The following MAP3K5 variants were observed in gnomAD, a reference collection of about 807,000 sequenced individuals.
MAP3K5 encodes mitogen-activated protein kinase kinase kinase 5, also known as ASK-1.
In MAP3K5, 56 loss-of-function variants were observed where a neutral mutation model predicts 158.7. That is an observed-to-expected ratio of 0.35 (90% confidence interval 0.28 to 0.44). MAP3K5 has a LOEUF of 0.44. Among genes scored for constraint, MAP3K5 ranks in the 20% least tolerant of loss-of-function variants. The probability of loss-of-function intolerance (pLI) is 1.00; values close to 1 mark genes in which losing one functional copy is unlikely to be tolerated. For synonymous variants in MAP3K5, 579 were observed against 601.7 expected (o/e 0.96, Z 0.55); for missense variants, 1,294 against 1,674.8 (o/e 0.77, Z 3.97).
At chr6:136,684,446 T>C (rs79273739) in intron 7 of MAP3K5, among the ~76,000 whole-genome samples, 5,038 of 152,282 alleles carry the variant, frequency 0.033, 286 homozygotes, top group African/African-American at 0.11. Context: ...TTCATGGTTA[T>C]TTCTTTTTAG....
chr6:136,678,420 A>C (rs1779794182), intron 7 of MAP3K5, among the ~76,000 whole-genome samples: 1 of 152,190 alleles, frequency 6.6e-6, no homozygotes, highest in African/African-American at 2.4e-5. Context: ...ACACCAAACG[A>C]GTTTTATAAT....
chr6:136,791,910 GA>G lies in MAP3K5; in HGVS notation c.247del (p.Ser83LeufsTer14), dbSNP rs755168115. 6.2e-7 allele frequency: 1 copy of G among 1,613,002 alleles called. No individual in the cohort carries two copies. The highest frequency in any genetic ancestry group is 8.5e-7 in the Non-Finnish European group (1 of 1,179,870). On this transcript the variant is annotated frameshift_variant, in exon 1 of 30. Transcript: ENST00000359015. LOFTEE classifies it high-confidence loss of function. ...GGTCCGTCGGCTGCCCCCGCCAACA[GA>G]GCTGCCCCGGCCTCGGGTGGCACTG... ...SSSATRGRGS[S>X]VGGGSRRTTV...
At chr6:136,572,642 T>A (rs1279023952) in intron 25 of MAP3K5, among the ~76,000 whole-genome samples, 2 of 152,248 alleles carry the variant, frequency 1.3e-5, no homozygotes, top group Non-Finnish European at 2.9e-5. Context: ...TTAAATATCC[T>A]CTTAATTCTG....
intron 1 of MAP3K5, among the ~76,000 whole-genome samples, chr6:136,735,282 T>A (rs1263287134): frequency 6.6e-6 from 1 of 152,146 alleles, no homozygotes; most frequent in African/African-American, 2.4e-5. Context: ...CTGAATTCCT[T>A]AACAAAAACA....
chr6:136,574,936 G>T (rs531711396), intron 25 of MAP3K5, among the ~76,000 whole-genome samples: 1 of 151,956 alleles, frequency 6.6e-6, no homozygotes, highest in African/African-American at 2.4e-5. Flanking sequence ...TGATCCGCCC[G>T]CCTCGGCCTC....
chr6:136,565,292 G>A (rs1283770090), intron 26 of MAP3K5, among the ~76,000 whole-genome samples: 1 of 152,200 alleles, frequency 6.6e-6, no homozygotes, highest in South Asian at 2.1e-4. Context: ...CTGCCTTTCT[G>A]TTCCAAAAAA....
intron 10 of MAP3K5, 101 bp downstream of exon 10, chr6:136,656,206 T>G (rs1022233053): frequency 8.0e-6 from 8 of 1,005,610 alleles, no homozygotes; most frequent in Non-Finnish European, 1.2e-5. Context: ...TGACTGCAGT[T>G]TTAAGGCACC....
intron 1 of MAP3K5, among the ~76,000 whole-genome samples, chr6:136,776,842 T>C (rs1784420231): frequency 1.3e-5 from 2 of 152,346 alleles, no homozygotes; most frequent in South Asian, 4.1e-4. Flanking sequence ...GCCCTTACTT[T>C]TAGACTTTGG....
At position 136,642,081 on chromosome 6, in the gene MAP3K5, AAAATAAAATAAAATT is replaced by A. The variant is rs202175474; in HGVS notation, c.1838+424_1838+438del. On this transcript the variant is annotated intron_variant, in intron 12 of 29. Transcript: ENST00000359015. Reference sequence around the variant, plus strand: ...AAAATAAAATAAAATAAAATAAAATAAAATAAAATAAAATTAGTGGCAGGACACAGTGTAGTAGAC... The same window carrying A: ...AAAATAAAATAAAATAAAATAAAATAAGTGGCAGGACACAGTGTAGTAGAC... Among the ~76,000 whole-genome samples the A allele has an allele frequency of 4.5e-4, 66 of 145,792 alleles. 2 individuals carry two copies. The East Asian group carries it at 5.6e-3, about 12-fold the overall frequency.
intron 21 of MAP3K5, among the ~76,000 whole-genome samples, chr6:136,594,629 T>C (rs1455136351): frequency 6.6e-6 from 1 of 152,210 alleles, no homozygotes; most frequent in Non-Finnish European, 1.5e-5. Flanking sequence ...CCTTCAGACT[T>C]GGTGAGTTTC....
rs540390477 is a variant in MAP3K5, at chr6:136,643,379, A to G, written c.1789-810T>C. On this transcript the variant is annotated intron_variant, in intron 11 of 29. Coordinates refer to ENST00000359015, the MANE Select transcript of MAP3K5 (RefSeq NM_005923.4). ...TTTACAGAAACAAAGTAGTTTATCC[A>G]TGTGTCTAAGTTGAGCAAGTACAGT... Among the ~76,000 whole-genome samples the G allele has an allele frequency of 6.6e-5, 10 of 152,302 alleles. No homozygotes were observed. The South Asian group carries it at 2.1e-3, about 32-fold the overall frequency.
intron 3 of MAP3K5, among the ~76,000 whole-genome samples, chr6:136,701,901 T>C (rs905423688): frequency 6.6e-6 from 1 of 152,204 alleles, no homozygotes; most frequent in Admixed American, 6.5e-5. Flanking sequence ...TTATCAGATA[T>C]TATTATTGAA....
At chr6:136,637,730 T>A (rs1777712593) in intron 13 of MAP3K5, among the ~76,000 whole-genome samples, 1 of 152,028 alleles carries the variant, frequency 6.6e-6, no homozygotes, top group Non-Finnish European at 1.5e-5. Context: ...CAGATTGGCA[T>A]CCTGCTCGCT....
rs1434064382 is a variant in MAP3K5 at position 136,791,889 on chromosome 6, C to T, written c.269G>A (p.Arg90Gln). ...GTTGATCACATATGCCACCGTGGTC[C>T]GTCGGCTGCCCCCGCCAACAGAGCT... Reference protein sequence around the residue: ...RGSSVGGGSRRTTVAYVINEA... With the variant: ...RGSSVGGGSRQTTVAYVINEA... Residue 90 changes from arginine to glutamine, a missense_variant, in exon 1 of 30, where the codon CGG (arginine) becomes CAG (glutamine). Arg to Gln is a conservative substitution (Grantham distance 43). Around this residue, in one of 5 missense-constraint regions of MAP3K5, gnomAD observed 690 missense variants for 870.5 expected, o/e 0.79. Transcript: ENST00000359015. 6.2e-7 allele frequency: 1 copy of T among 1,613,284 alleles called. No individual in the cohort carries two copies. Among genetic ancestry groups the T allele is most frequent in the East Asian group, 2.2e-5 (1 of 44,870 alleles).
At chr6:136,584,358 G>C (rs897653736) in intron 23 of MAP3K5, 1 of 152,958 alleles carries the variant, frequency 6.5e-6, no homozygotes, top group Non-Finnish European at 1.5e-5. Context: ...ACACATACCC[G>C]AGACTGGGCA....
intron 1 of MAP3K5, among the ~76,000 whole-genome samples, chr6:136,752,363 T>C (rs1305972511): frequency 6.6e-6 from 1 of 152,152 alleles, no homozygotes; most frequent in Non-Finnish European, 1.5e-5. Flanking sequence ...GGAGGAAGGT[T>C]GGGAGCTGGG....
intron 18 of MAP3K5, among the ~76,000 whole-genome samples, chr6:136,610,148 T>C (rs990300692): frequency 6.6e-6 from 1 of 152,080 alleles, no homozygotes; most frequent in Non-Finnish European, 1.5e-5. Context: ...CCTTTTTTTT[T>C]TCCTGCTAAA....
At chr6:136,716,027 CAAAAAAAAAAAAAAAAAAAAAA>C (rs60678515) in intron 2 of MAP3K5, among the ~76,000 whole-genome samples, 453 of 23,052 alleles carry the variant, frequency 0.02, 6 homozygotes, top group African/African-American at 0.072. Flanking sequence ...AAGATCGTCT[CAAAAAAAAAAAAAAAAAAAAAA>C]AAAAAAAAAA....
At chr6:136,604,076 C>G (rs577441844) in intron 19 of MAP3K5, among the ~76,000 whole-genome samples, 2 of 152,348 alleles carry the variant, frequency 1.3e-5, no homozygotes, top group Admixed American at 6.5e-5. Flanking sequence ...AATCCCAACA[C>G]TTTGGGAGGC....
Sources: gnomAD v4.1 joint callset for allele counts (sites outside exome capture counted in the v4.1 genomes callset) on GRCh38, gnomAD v4.1.1 for gene constraint, gnomAD v4.1.1 regional missense constraint, MANE v1.5 for transcripts, NCBI Gene and HGNC (gene_info 2026-07-23, HGNC 2026-07-21) for gene names.